CSMD3: variants seen among roughly 807,000 people sequenced by gnomAD.
CSMD3 encodes CUB and sushi domain-containing protein 3.
CSMD3 carries 177 observed loss-of-function variants against 435.2 expected under a neutral mutation model. The observed-to-expected ratio is 0.41, with a 90% CI of 0.36 to 0.46. The LOEUF is 0.46. Among genes scored for constraint, CSMD3 ranks in the 20% least tolerant of loss-of-function variants. The pLI, the probability that CSMD3 is intolerant of heterozygous loss-of-function variation, is 0.34. For synonymous variants in CSMD3, 1,656 were observed against 1,520.5 expected (o/e 1.09, Z -2.07); for missense variants, 4,265 against 4,504.6 (o/e 0.95, Z 1.52).
chr8:113,222,015 ATGCTTTGAAGG>A (rs561369712), intron 3 of CSMD3, among the ~76,000 whole-genome samples: 55,408 of 150,974 alleles, frequency 0.37, 10,996 homozygotes, highest in African/African-American at 0.52. Context: ...AAAGCAGTAA[ATGCTTTGAAGG>A]TTAAGTAAAT....
intron 6 of CSMD3, among the ~76,000 whole-genome samples, chr8:112,993,110 G>A (rs1476421782): frequency 1.3e-5 from 2 of 151,662 alleles, no homozygotes; most frequent in South Asian, 2.1e-4. Flanking sequence ...GGGATGATAC[G>A]GAAAGTATAA....
chr8:113,145,162 G>A (rs1173390054), intron 4 of CSMD3, among the ~76,000 whole-genome samples: 1 of 151,498 alleles, frequency 6.6e-6, no homozygotes, highest in South Asian at 2.1e-4. Context: ...GGGTGTTGGG[G>A]AGTGGTAGGA....
intron 1 of CSMD3, among the ~76,000 whole-genome samples, chr8:113,331,479 G>T (rs2094027221): frequency 6.6e-6 from 1 of 151,464 alleles, no homozygotes; most frequent in Non-Finnish European, 1.5e-5. Context: ...GACAATGCGA[G>T]ATAAAAATTC....
intron 58 of CSMD3, among the ~76,000 whole-genome samples, chr8:112,285,012 T>A (rs962802023): frequency 2.0e-5 from 3 of 152,058 alleles, no homozygotes; most frequent in African/African-American, 4.8e-5. Flanking sequence ...AGTTTTTTTT[T>A]ATTTCTGCTT....
At chr8:112,721,625 T>C (rs2076860582) in intron 13 of CSMD3, among the ~76,000 whole-genome samples, 1 of 152,192 alleles carries the variant, frequency 6.6e-6, no homozygotes, top group African/African-American at 2.4e-5. Context: ...ATTTTTGATC[T>C]ACTAAAGATA....
intron 16 of CSMD3, among the ~76,000 whole-genome samples, chr8:112,672,691 T>A (rs2075685796): frequency 1.3e-5 from 2 of 152,116 alleles, no homozygotes; most frequent in Non-Finnish European, 2.9e-5. Flanking sequence ...TTTGTAGCAA[T>A]GAAAACAACA....
chr8:112,919,364 A>C (rs1237242740), intron 10 of CSMD3, among the ~76,000 whole-genome samples: 1 of 151,966 alleles, frequency 6.6e-6, no homozygotes, highest in East Asian at 1.9e-4. Context: ...AAAAATAACA[A>C]TGTAATATAA....
chr8:113,131,173 T>A (rs1474136156), intron 4 of CSMD3, among the ~76,000 whole-genome samples: 1 of 152,118 alleles, frequency 6.6e-6, no homozygotes, highest in Non-Finnish European at 1.5e-5. Flanking sequence ...AAAAAATCAT[T>A]TCCCTGGGGA....
intron 38 of CSMD3, among the ~76,000 whole-genome samples, chr8:112,376,741 T>C (rs1477150508): frequency 6.6e-6 from 1 of 152,182 alleles, no homozygotes; most frequent in Non-Finnish European, 1.5e-5. Context: ...TCCATTATCT[T>C]CTACCTCTAG....
intron 13 of CSMD3, among the ~76,000 whole-genome samples, chr8:112,704,592 C>T (rs2076458855): frequency 6.6e-6 from 1 of 151,856 alleles, no homozygotes; most frequent in Non-Finnish European, 1.5e-5. Context: ...AAAATTTTTT[C>T]TGGTTGTGAG....
chr8:113,369,726 T>C (rs879267881), intron 1 of CSMD3, among the ~76,000 whole-genome samples: 7 of 151,850 alleles, frequency 4.6e-5, no homozygotes, highest in African/African-American at 7.2e-5. Flanking sequence ...ATTAAGACAC[T>C]ACTAAAGAAT....
intron 13 of CSMD3, among the ~76,000 whole-genome samples, chr8:112,746,143 A>T (rs534326202): frequency 1.2e-4 from 19 of 152,288 alleles, no homozygotes; most frequent in African/African-American, 4.6e-4. Context: ...TAGCCTCCAG[A>T]TATTTGGAAT....
intron 10 of CSMD3, among the ~76,000 whole-genome samples, chr8:112,909,762 C>G (rs758785884): frequency 6.6e-6 from 1 of 151,778 alleles, no homozygotes; most frequent in African/African-American, 2.4e-5. Flanking sequence ...AAACACTTAT[C>G]TCAGAAGTAA....
chr8:112,868,255 A>T (rs985132395), intron 10 of CSMD3, among the ~76,000 whole-genome samples: 2 of 152,090 alleles, frequency 1.3e-5, no homozygotes, highest in Non-Finnish European at 2.9e-5. Flanking sequence ...TTCTCCTAGA[A>T]TACCTCTTGA....
At chr8:113,429,043 A>G (rs961742008) in intron 1 of CSMD3, among the ~76,000 whole-genome samples, 1 of 151,846 alleles carries the variant, frequency 6.6e-6, no homozygotes, top group Non-Finnish European at 1.5e-5. Context: ...GACTATTTAT[A>G]TATTTCAATC....
At chr8:113,189,038 T>C (rs1439724269) in intron 3 of CSMD3, among the ~76,000 whole-genome samples, 1 of 151,882 alleles carries the variant, frequency 6.6e-6, no homozygotes, top group Non-Finnish European at 1.5e-5. Flanking sequence ...ATTGAATATG[T>C]CTGATTTCAT....
intron 1 of CSMD3, among the ~76,000 whole-genome samples, chr8:113,412,591 T>C (rs1041204917): frequency 6.6e-6 from 1 of 152,136 alleles, no homozygotes; most frequent in African/African-American, 2.4e-5. Flanking sequence ...TTGAAATATA[T>C]GTGCTGGGGA....
chr8:113,176,351 T>C (rs1030233269), intron 3 of CSMD3, among the ~76,000 whole-genome samples: 3 of 152,048 alleles, frequency 2.0e-5, no homozygotes, highest in African/African-American at 7.2e-5. Context: ...CCACTGCTCA[T>C]GGATTATATT....
In CSMD3 at chr8:112,310,997, C is replaced by T. The variant is rs559960175; in HGVS notation, c.7866G>A (p.Ala2622=). 9.9e-6 allele frequency: 16 copies of T among 1,613,680 alleles called. No individual in the cohort carries two copies. Among genetic ancestry groups the T allele is most frequent in the East Asian group, 2.2e-5 (1 of 44,850 alleles). The change falls in exon 50 of 71, where the codon GCG becomes GCA. Residue 2622 remains alanine, a synonymous_variant. Coordinates refer to ENST00000297405, the MANE Select transcript of CSMD3 (RefSeq NM_198123.2). Reference sequence around the variant, plus strand: ...CTTCACCTTGACAGGCAGGGACTGGCGCATCCCATGCATGATACCCATAGG... The same window carrying T: ...CTTCACCTTGACAGGCAGGGACTGGTGCATCCCATGCATGATACCCATAGG... ...KSSYGYHAWD[A]PVPACQAISC...
Sources: gnomAD v4.1 joint callset for allele counts (sites outside exome capture counted in the v4.1 genomes callset) on GRCh38, gnomAD v4.1.1 for gene constraint, MANE v1.5 for transcripts, NCBI Gene and HGNC (gene_info 2026-07-23, HGNC 2026-07-21) for gene names.